The following LMO7 variants were observed in gnomAD, a reference collection of about 807,000 sequenced individuals.
The protein encoded by LMO7 is LIM domain only protein 7.
A neutral mutation model predicts 206.5 loss-of-function variants in LMO7; 120 were observed. That is an observed-to-expected ratio of 0.58 (90% CI 0.50 to 0.68). The LOEUF is 0.68. Among genes scored for constraint, LMO7 ranks in the 30% least tolerant of loss-of-function variants. The pLI is 0.00. For missense variants in LMO7, 1,959 were observed against 1,957.9 expected (o/e 1.00, Z -0.01); for synonymous variants, 706 against 681.5 (o/e 1.04, Z -0.56).
intron 26 of LMO7, among the ~76,000 whole-genome samples, chr13:75,848,395 T>A (rs2060164255): frequency 6.6e-6 from 1 of 152,186 alleles, no homozygotes; most frequent in Non-Finnish European, 1.5e-5. Flanking sequence ...TGCCATTAAT[T>A]CATTCCTTTT....
intron 3 of LMO7, among the ~76,000 whole-genome samples, chr13:75,753,417 C>T (rs2047430093): frequency 6.6e-6 from 1 of 152,062 alleles, no homozygotes; most frequent in Admixed American, 6.6e-5. Context: ...TAGTTTAAAT[C>T]CCGTTTGTCT....
At chr13:75,775,656 A>G (rs1356653822) in intron 4 of LMO7, among the ~76,000 whole-genome samples, 3 of 152,126 alleles carry the variant, frequency 2.0e-5, no homozygotes, top group African/African-American at 4.8e-5. Context: ...TTGAACAGAC[A>G]TTTTTCAAGA....
upstream of LMO7, among the ~76,000 whole-genome samples, chr13:75,633,703 G>A (rs946422625): frequency 2.0e-5 from 3 of 152,184 alleles, no homozygotes; most frequent in Non-Finnish European, 2.9e-5. Context: ...TTGGATCCTG[G>A]TCTGAGTAAG....
At chr13:75,626,054 C>G (rs1179668163) in intron 2 of LMO7, among the ~76,000 whole-genome samples, 1 of 152,146 alleles carries the variant, frequency 6.6e-6, no homozygotes, top group Non-Finnish European at 1.5e-5. Context: ...TCACTGGGCT[C>G]TTACAATGGA....
chr13:75,703,540 C>G (rs745399846), intron 1 of LMO7, among the ~76,000 whole-genome samples: 91 of 152,176 alleles, frequency 6.0e-4, no homozygotes, highest in Non-Finnish European at 1.2e-3. Flanking sequence ...GTAAGAGATG[C>G]TACCACATAG....
At chr13:75,727,509 C>A (rs546068524) in intron 3 of LMO7, among the ~76,000 whole-genome samples, 4 of 152,022 alleles carry the variant, frequency 2.6e-5, no homozygotes, top group Admixed American at 6.6e-5. Flanking sequence ...TTCCTATTTT[C>A]TCCTGTATCA....
At chr13:75,791,505 C>T (rs115625395) in intron 4 of LMO7, among the ~76,000 whole-genome samples, 3,552 of 152,160 alleles carry the variant, frequency 0.023, 148 homozygotes, top group African/African-American at 0.08. Context: ...AATTTGAGAG[C>T]ATCTGTTTGC....
intron 7 of LMO7, among the ~76,000 whole-genome samples, chr13:75,801,959 CCTCT>C (rs10559208): frequency 0.36 from 53,916 of 151,484 alleles, 9,901 homozygotes; most frequent in East Asian, 0.59. Context: ...ATCTCTCTCT[CCTCT>C]CTCTCTCTTT....
intron 1 of LMO7, among the ~76,000 whole-genome samples, chr13:75,685,876 TACC>T (rs1302817739): frequency 2.0e-5 from 3 of 149,346 alleles, no homozygotes; most frequent in African/African-American, 4.9e-5. Context: ...TTTTTCATCC[TACC>T]TTTTCTTTCT....
intron 1 of LMO7, among the ~76,000 whole-genome samples, chr13:75,640,546 A>G (rs2036432910): frequency 6.6e-6 from 1 of 151,984 alleles, no homozygotes; most frequent in Admixed American, 6.6e-5. Context: ...AGCCCCACCC[A>G]TTCCTTTCTC....
chr13:75,691,260 A>G (rs1317915458), intron 1 of LMO7, among the ~76,000 whole-genome samples: 1 of 152,196 alleles, frequency 6.6e-6, no homozygotes, highest in Non-Finnish European at 1.5e-5. Flanking sequence ...TAGACCAATG[A>G]CCTAATATTT....
At chr13:75,677,786 TC>T (rs1205940393) in intron 1 of LMO7, among the ~76,000 whole-genome samples, 1 of 97,088 alleles carries the variant, frequency 1.0e-5, no homozygotes, top group African/African-American at 4.0e-5. Context: ...ATGCTATCCC[TC>T]CCCCCTCCCC....
chr13:75,627,359 T>C (rs879460223), intron 2 of LMO7: 2 of 152,216 alleles, frequency 1.3e-5, no homozygotes, highest in Non-Finnish European at 2.9e-5. Context: ...GAGGCTAGAC[T>C]AAGCTATAAT....
At chr13:75,678,254 C>T (rs2040192988) in intron 1 of LMO7, among the ~76,000 whole-genome samples, 1 of 152,202 alleles carries the variant, frequency 6.6e-6, no homozygotes, top group Non-Finnish European at 1.5e-5. Flanking sequence ...TTTACAGTCC[C>T]ACCACCAGTG....
intron 3 of LMO7, among the ~76,000 whole-genome samples, chr13:75,733,792 A>C (rs1330133537): frequency 6.6e-6 from 1 of 151,904 alleles, no homozygotes; most frequent in Non-Finnish European, 1.5e-5. Context: ...TTTAATTTTT[A>C]ATTGCTTGTT....
intron 17 of LMO7, 75 bp downstream of exon 17, chr13:75,834,462 C>T: frequency 9.1e-7 from 1 of 1,103,686 alleles, no homozygotes; most frequent in East Asian, 2.7e-5. Context: ...TAACAATTTG[C>T]TTCAATAACT....
intron 2 of LMO7, among the ~76,000 whole-genome samples, chr13:75,722,472 T>C (rs2138433755): frequency 6.6e-6 from 1 of 152,030 alleles, no homozygotes; most frequent in African/African-American, 2.4e-5. Flanking sequence ...ATCAGGGAAA[T>C]GCAAATCAAA....
intron 15 of LMO7, among the ~76,000 whole-genome samples, chr13:75,829,676 G>T (rs531434895): frequency 6.9e-6 from 1 of 145,868 alleles, no homozygotes; most frequent in Non-Finnish European, 1.5e-5. Context: ...GTAGCTTTTC[G>T]ATTTCGTGTT....
Position 75,807,655 on chromosome 13 carries a change from T to C in LMO7, c.1372T>C (p.Leu458=). The C allele has an allele frequency of 6.2e-7, 1 of 1,614,016 alleles. No homozygotes were observed. Residue 458 remains leucine, a synonymous_variant, in exon 10 of 31, where the codon TTA becomes CTA. Coordinates refer to ENST00000377534, the MANE Select transcript of LMO7 (RefSeq NM_001306080.2). ...DLEMAALDPD[L]ENDDFFVRKT... is the part of the protein sequence containing the mutation. ...CGAGATGGCAGCCCTGGATCCTGAC[T>C]TAGAGAATGATGATTTCTTTGTCAG...
Sources: allele counts gnomAD v4.1 joint callset (sites outside exome capture counted in the v4.1 genomes callset), GRCh38; gene constraint gnomAD v4.1.1; transcripts MANE v1.5; gene names NCBI Gene and HGNC (gene_info 2026-07-23, HGNC 2026-07-21).